Variants in DOCK9 observed in about 807,000 individuals in gnomAD.
DOCK9 encodes the protein dedicator of cytokinesis protein 9.
In DOCK9, 89 loss-of-function variants were observed where a neutral mutation model predicts 263.3. That is an observed-to-expected ratio of 0.34 (90% CI 0.28 to 0.40). DOCK9 has a LOEUF of 0.40. Ranked by LOEUF, DOCK9 falls within the 10% of genes least tolerant of loss-of-function variation. The pLI is 1.00. For missense variants in DOCK9, 2,140 were observed against 2,603.4 expected, an observed-to-expected ratio of 0.82 and a Z score of 3.87; for synonymous variants, 976 against 973.1, an observed-to-expected ratio of 1.00 and a Z score of -0.06.
intron 11 of DOCK9, 88 bp from the exon 12 acceptor site, chr13:98,902,579 T>C: frequency 8.0e-7 from 1 of 1,255,522 alleles, no homozygotes; most frequent in Non-Finnish European, 1.1e-6. Context: ...ACAAGACCTA[T>C]TTAGGACTGT....
chr13:98,970,914 C>T (rs544247006), intron 1 of DOCK9, among the ~76,000 whole-genome samples: 9 of 152,168 alleles, frequency 5.9e-5, no homozygotes, highest in South Asian at 4.1e-4. Flanking sequence ...AACCCATTCC[C>T]TTGGTCTTAC....
intron 1 of DOCK9, among the ~76,000 whole-genome samples, chr13:99,080,084 G>T (rs2042068206): frequency 6.6e-6 from 1 of 152,116 alleles, no homozygotes; most frequent in Non-Finnish European, 1.5e-5. Context: ...AGTCTTACAT[G>T]ATTATTTCCC....
chr13:98,863,479 C>G lies in DOCK9; in HGVS notation c.3356G>C (p.Arg1119Thr). Reference protein sequence around the residue: ...RNHFLVGLLLREVGTALQEFR... With the variant: ...RNHFLVGLLLTEVGTALQEFR... ...CTCCTGGAGGGCTGTCCCCACCTCC[C>G]TCAGTAACAGTCCCACCAAGAAGTG... The change falls in exon 31 of 53, where the codon AGG becomes ACG. Residue 1119 changes from arginine (R) to threonine (T), a missense_variant. Around this residue, in one of 2 missense-constraint regions of DOCK9, gnomAD observed 1,521 missense variants for 1,741.7 expected, o/e 0.87. Transcript: ENST00000682017. 1 of 1,613,968 alleles carries G rather than the reference C, an allele frequency of 6.2e-7. No homozygotes were observed. The highest frequency in any genetic ancestry group is 8.5e-7 in the Non-Finnish European group (1 of 1,179,898).
chr13:98,896,341 G>A (rs1272553546), intron 15 of DOCK9, among the ~76,000 whole-genome samples: 1 of 152,088 alleles, frequency 6.6e-6, no homozygotes, highest in Admixed American at 6.6e-5. Flanking sequence ...TGTGTTTTCA[G>A]AACTTATTGA....
intron 1 of DOCK9, among the ~76,000 whole-genome samples, chr13:98,975,278 C>T (rs369277403): frequency 6.6e-5 from 10 of 151,732 alleles, no homozygotes; most frequent in African/African-American, 2.4e-4. Context: ...ACTCGGGAGG[C>T]TTGAACCCAG....
intron 37 of DOCK9, among the ~76,000 whole-genome samples, chr13:98,848,111 C>A (rs2093444532): frequency 6.6e-6 from 1 of 152,146 alleles, no homozygotes; most frequent in Non-Finnish European, 1.5e-5. Flanking sequence ...TGGAAGTCCA[C>A]ACAAATTTGG....
chr13:98,871,836 A>T (rs1431007971), intron 27 of DOCK9: 1 of 152,904 alleles, frequency 6.5e-6, no homozygotes, highest in African/African-American at 2.4e-5. Context: ...CTGTCCTCAC[A>T]AGATCAGCCT....
chr13:99,057,130 C>A (rs1183319216), intron 1 of DOCK9, among the ~76,000 whole-genome samples: 1 of 152,152 alleles, frequency 6.6e-6, no homozygotes, highest in Non-Finnish European at 1.5e-5. Context: ...CTGGGACCCC[C>A]TCAATACACT....
chr13:98,984,255 G>A (rs1167788411), intron 1 of DOCK9, among the ~76,000 whole-genome samples: 2 of 152,222 alleles, frequency 1.3e-5, no homozygotes, highest in East Asian at 3.9e-4. Context: ...ATTTAAGGAG[G>A]GGTAACAACA....
intron 32 of DOCK9, among the ~76,000 whole-genome samples, chr13:98,862,548 A>C (rs1181558441): frequency 6.6e-6 from 1 of 152,022 alleles, no homozygotes; most frequent in Non-Finnish European, 1.5e-5. Context: ...AATTGGCCGG[A>C]TGTGGTGGTG....
intron 37 of DOCK9, among the ~76,000 whole-genome samples, chr13:98,848,282 G>A (rs1188698727): frequency 2.0e-5 from 3 of 152,184 alleles, no homozygotes; most frequent in African/African-American, 7.2e-5. Context: ...GAACTGGGGA[G>A]AAGAGGATGG....
At chr13:98,866,272 C>A (rs2094020907) in intron 30 of DOCK9, among the ~76,000 whole-genome samples, 1 of 152,120 alleles carries the variant, frequency 6.6e-6, no homozygotes, top group Non-Finnish European at 1.5e-5. Context: ...GGATTGTCAT[C>A]CAGGTTGTAC....
chr13:99,018,246 C>T (rs1390699504), intron 1 of DOCK9, among the ~76,000 whole-genome samples: 1 of 152,202 alleles, frequency 6.6e-6, no homozygotes. Context: ...CAGAGCCTCA[C>T]TGATTAATGG....
At chr13:98,808,155 A>T (rs1389501545) in intron 47 of DOCK9, among the ~76,000 whole-genome samples, 1 of 152,214 alleles carries the variant, frequency 6.6e-6, no homozygotes, top group Admixed American at 6.5e-5. Flanking sequence ...GCAGCCCACG[A>T]CAGGCAGGCT....
intron 1 of DOCK9, among the ~76,000 whole-genome samples, chr13:98,970,104 C>T (rs1402242348): frequency 6.6e-6 from 1 of 151,972 alleles, no homozygotes; most frequent in Admixed American, 6.6e-5. Flanking sequence ...AAGCAATCTT[C>T]CCGCCTCATC....
At chr13:98,952,887 T>C (rs1486690885) in intron 2 of DOCK9, among the ~76,000 whole-genome samples, 2 of 152,230 alleles carry the variant, frequency 1.3e-5, no homozygotes, top group Admixed American at 6.5e-5. Flanking sequence ...CCCCTCAGCA[T>C]GCGTTTTGCT....
chr13:99,002,396 G>A (rs1473505202), intron 1 of DOCK9, among the ~76,000 whole-genome samples: 3 of 152,072 alleles, frequency 2.0e-5, no homozygotes, highest in Non-Finnish European at 4.4e-5. Flanking sequence ...AGCTTCTCAG[G>A]CTTCCTTGAG....
intron 25 of DOCK9, among the ~76,000 whole-genome samples, chr13:98,880,942 G>A (rs576291933): frequency 6.6e-6 from 1 of 152,168 alleles, no homozygotes; most frequent in Non-Finnish European, 1.5e-5. Context: ...CAAGGAATGT[G>A]TGGCACAACA....
At chr13:99,004,927 A>G (rs1318524708) in intron 1 of DOCK9, among the ~76,000 whole-genome samples, 1 of 152,200 alleles carries the variant, frequency 6.6e-6, no homozygotes, top group African/African-American at 2.4e-5. Context: ...TATAATGTAT[A>G]AAAGGAAAAC....
Sources: allele counts gnomAD v4.1 joint callset (sites outside exome capture counted in the v4.1 genomes callset), GRCh38; gene constraint gnomAD v4.1.1; regional missense constraint gnomAD v4.1.1; transcripts MANE v1.5; gene names NCBI Gene and HGNC (gene_info 2026-07-23, HGNC 2026-07-21).